ETV6: variants seen among roughly 807,000 people sequenced by gnomAD.
The protein encoded by ETV6 is ETS variant transcription factor 6, also known as transcription factor ETV6.
Under a neutral mutation model 51.1 loss-of-function variants are expected in ETV6, and 16 were observed. The observed-to-expected ratio is 0.31, with a 90% CI of 0.21 to 0.48. ETV6 has a LOEUF of 0.48. ETV6 is among the 20% of genes least tolerant of loss of function. ETV6 has a pLI of 0.99. For synonymous variants in ETV6, 240 were observed against 224.1 expected (o/e 1.07, Z -0.64); for missense variants, 458 against 594.8 (o/e 0.77, Z 2.39).
chr12:11,865,250 CAA>C (rs11395687), intron 4 of ETV6, among the ~76,000 whole-genome samples: 1,612 of 82,820 alleles, frequency 0.019, 20 homozygotes, highest in African/African-American at 0.063. Context: ...GACTCCGTCT[CAA>C]AAAAAAAAAA....
Position 11,650,055 on chromosome 12 carries a change from C to T in ETV6, c.-73C>T. 7.3e-7 allele frequency: 1 copy of T among 1,374,892 alleles called. No homozygotes were observed. The highest frequency in any genetic ancestry group is 1.0e-6 in the Non-Finnish European group (1 of 963,418). The allele number at this position is 1,374,892 out of a possible 1,614,324, so 85.2% of individuals were successfully genotyped here. ...TGACCGCGTCTGGCTGGCCGTGGAG[C>T]CTTTCTGGGTTGGGGAGAGGAAAGG... On this transcript the variant is annotated 5_prime_UTR_variant, in exon 1 of 8. Transcript: ENST00000396373.
intron 1 of ETV6, among the ~76,000 whole-genome samples, chr12:11,650,495 AC>A (rs67858466): frequency 0.12 from 8,722 of 71,144 alleles, 1,381 homozygotes; most frequent in African/African-American, 0.28. Context: ...AAAAAAAAAA[AC>A]AAAAAACAAA....
chr12:11,762,423 T>A (rs1377518365), intron 2 of ETV6, among the ~76,000 whole-genome samples: 1 of 152,214 alleles, frequency 6.6e-6, no homozygotes, highest in East Asian at 1.9e-4. Flanking sequence ...TCAGTCTGCG[T>A]TTTTCTCCCT....
At chr12:11,763,529 C>G (rs898885871) in intron 2 of ETV6, among the ~76,000 whole-genome samples, 2 of 152,194 alleles carry the variant, frequency 1.3e-5, no homozygotes, top group African/African-American at 4.8e-5. Context: ...TGTCTCTGAT[C>G]AAATAGATTT....
At chr12:11,721,205 T>C (rs1412370059) in intron 1 of ETV6, among the ~76,000 whole-genome samples, 2 of 152,192 alleles carry the variant, frequency 1.3e-5, no homozygotes, top group East Asian at 3.8e-4. Flanking sequence ...ATAAATCTCA[T>C]TACTGGGTGT....
chr12:11,784,556 C>A (rs1250863560), intron 2 of ETV6, among the ~76,000 whole-genome samples: 1 of 151,764 alleles, frequency 6.6e-6, no homozygotes, highest in Admixed American at 6.5e-5. Flanking sequence ...ACAATAAAGA[C>A]CTTGAGGAGG....
chr12:11,689,470 G>A (rs1199312723), intron 1 of ETV6, among the ~76,000 whole-genome samples: 1 of 151,868 alleles, frequency 6.6e-6, no homozygotes, highest in Non-Finnish European at 1.5e-5. Context: ...TTTAAACCAT[G>A]GCTAACTCTT....
At chr12:11,814,971 C>T (rs1433948331) in intron 2 of ETV6, among the ~76,000 whole-genome samples, 1 of 152,120 alleles carries the variant, frequency 6.6e-6, no homozygotes, top group Non-Finnish European at 1.5e-5. Flanking sequence ...GCAGAAAACC[C>T]AGAGCTCAGT....
At chr12:11,716,720 A>G (rs1216343696) in intron 1 of ETV6, 2 of 152,236 alleles carry the variant, frequency 1.3e-5, no homozygotes, top group East Asian at 1.9e-4. Context: ...CAGCTCTAAA[A>G]TTATGTGATT....
chr12:11,815,153 A>C (rs953991670), intron 2 of ETV6, among the ~76,000 whole-genome samples: 2 of 152,156 alleles, frequency 1.3e-5, no homozygotes, highest in African/African-American at 4.8e-5. Context: ...ATGTCGAAGA[A>C]CCTTCACATC....
chr12:11,661,488 G>A lies in ETV6; in HGVS notation c.33+11328G>A, dbSNP rs544059941. ...CCTTTTGATCTGGTCTTTATTCAAA[G>A]TGGGGTGAACCCAGTAGGAGAGTTG... is the stretch of plus-strand genomic sequence containing the variant. On this transcript the variant is annotated intron_variant, in intron 1 of 7. Coordinates refer to ENST00000396373, the MANE Select transcript of ETV6 (RefSeq NM_001987.5). Among the ~76,000 whole-genome samples the A allele has an allele frequency of 3.3e-5, 5 of 152,356 alleles. No homozygotes were observed. The East Asian group carries it at 9.6e-4, about 29-fold the overall frequency.
chr12:11,804,859 C>T (rs1156975838), intron 2 of ETV6, among the ~76,000 whole-genome samples: 2 of 152,172 alleles, frequency 1.3e-5, no homozygotes, highest in Non-Finnish European at 2.9e-5. Flanking sequence ...TGGGAGACTC[C>T]AGAGTCTTTT....
At chr12:11,809,114 C>T (rs932497778) in intron 2 of ETV6, among the ~76,000 whole-genome samples, 13 of 150,336 alleles carry the variant, frequency 8.6e-5, no homozygotes, top group African/African-American at 2.5e-4. Context: ...TGTGGTGAGC[C>T]GTGATCGTGC....
At chr12:11,660,598 CA>C (rs3983865) in intron 1 of ETV6, among the ~76,000 whole-genome samples, 60 of 106,444 alleles carry the variant, frequency 5.6e-4, no homozygotes, top group African/African-American at 1.9e-3. Flanking sequence ...GACTCTGTCT[CA>C]AAAAAAAAAA....
chr12:11,855,554 A>G (rs1403706588), intron 4 of ETV6, among the ~76,000 whole-genome samples: 2 of 152,258 alleles, frequency 1.3e-5, no homozygotes, highest in African/African-American at 4.8e-5. Flanking sequence ...CTCATCCCCA[A>G]GAGCAGGGCT....
In ETV6 at chr12:11,869,830, C is replaced by T; in HGVS notation, c.870C>T (p.Ser290=). The T allele has an allele frequency of 6.2e-7, 1 of 1,613,440 alleles. No homozygotes were observed. Among genetic ancestry groups the T allele is most frequent in the Non-Finnish European group, 8.5e-7 (1 of 1,180,046 alleles). Residue 290 remains serine, a synonymous_variant, in exon 5 of 8, where the codon TCC becomes TCT. Coordinates refer to ENST00000396373, the MANE Select transcript of ETV6 (RefSeq NM_001987.5). This position sits in a 1 kb window ranked among gnomAD's most constrained non-coding sequence, Gnocchi z 5.0. ...NPRHSVDFKQ[S]RLSEDGLHRE... is the part of the protein sequence containing the mutation. The stretch of plus-strand genomic sequence containing the variant: ...GGCACTCCGTGGATTTCAAACAGTC[C>T]AGGCTCTCCGAGGACGGGCTGCATA...
In ETV6 at chr12:11,774,379, G is replaced by A. The variant is rs191814250; in HGVS notation, c.163+21800G>A. Among the ~76,000 whole-genome samples the A allele has an allele frequency of 1.8e-3, 272 of 152,260 alleles. 2 individuals are homozygous for A. Among genetic ancestry groups the A allele is most frequent in the Non-Finnish European group, 2.6e-4 (18 of 68,026 alleles). ...AGAGAGTCTGCAGTTAGAATACTGGGGCTTGTGCAGAGAGAAGAATTCAGA... is the reference window on the plus strand; with the variant it reads ...AGAGAGTCTGCAGTTAGAATACTGGAGCTTGTGCAGAGAGAAGAATTCAGA... On this transcript the variant is annotated intron_variant, in intron 2 of 7. Coordinates refer to ENST00000396373, the MANE Select transcript of ETV6 (RefSeq NM_001987.5).
chr12:11,863,692 A>G (rs1946748753), intron 4 of ETV6, among the ~76,000 whole-genome samples: 1 of 152,098 alleles, frequency 6.6e-6, no homozygotes, highest in African/African-American at 2.4e-5. Context: ...GATTTAATGC[A>G]CCCACTGTCC....
At chr12:11,808,559 T>C (rs1272338942) in intron 2 of ETV6, among the ~76,000 whole-genome samples, 1 of 152,186 alleles carries the variant, frequency 6.6e-6, no homozygotes, top group East Asian at 1.9e-4. Context: ...CTAGAGATGA[T>C]TTAAAATATA....
Sources: allele counts gnomAD v4.1 joint callset (sites outside exome capture counted in the v4.1 genomes callset), GRCh38; gene constraint gnomAD v4.1.1; non-coding constraint Gnocchi (gnomAD v3.1); transcripts MANE v1.5; gene names NCBI Gene and HGNC (gene_info 2026-07-23, HGNC 2026-07-21).